ARL15: variants seen among roughly 807,000 people sequenced by gnomAD.
ARL15 encodes ARF like GTPase 15.
A neutral mutation model predicts 25.2 loss-of-function variants in ARL15; 19 were observed. The ratio of observed to expected loss-of-function variants is 0.75; its 90% CI spans 0.53 to 1.10. ARL15 has a LOEUF of 1.10. ARL15 is among the 50% of genes least tolerant of loss of function. The pLI is 0.00. For synonymous variants in ARL15, 94 were observed against 86.8 expected, an observed-to-expected ratio of 1.08 and a Z score of -0.46; for missense variants, 220 against 246.0, an observed-to-expected ratio of 0.89 and a Z score of 0.71.
At chr5:54,263,946 T>C (rs1278072928) in intron 1 of ARL15, among the ~76,000 whole-genome samples, 1 of 152,098 alleles carries the variant, frequency 6.6e-6, no homozygotes, top group East Asian at 1.9e-4. Context: ...ACCACCAAAT[T>C]GTTGTCATGT....
intron 1 of ARL15, among the ~76,000 whole-genome samples, chr5:54,224,401 A>C (rs1170853244): frequency 1.3e-5 from 2 of 152,216 alleles, no homozygotes; most frequent in Non-Finnish European, 2.9e-5. Context: ...TGAAGAATCC[A>C]AGTATACGAG....
chr5:53,964,690 A>C (rs915123344), intron 4 of ARL15, among the ~76,000 whole-genome samples: 1 of 152,174 alleles, frequency 6.6e-6, no homozygotes, highest in Non-Finnish European at 1.5e-5. Flanking sequence ...TTAGTTACTT[A>C]AACCAAAATT....
intron 1 of ARL15, among the ~76,000 whole-genome samples, chr5:54,178,016 A>T (rs1305991129): frequency 6.6e-6 from 1 of 152,234 alleles, no homozygotes; most frequent in East Asian, 1.9e-4. Flanking sequence ...GCACACAGAC[A>T]CAAAGACATA....
chr5:54,258,370 T>C (rs1335653853), intron 1 of ARL15, among the ~76,000 whole-genome samples: 1 of 152,094 alleles, frequency 6.6e-6, no homozygotes, highest in Non-Finnish European at 1.5e-5. Context: ...TGGATACTCA[T>C]GGAGGGACAT....
intron 1 of ARL15, among the ~76,000 whole-genome samples, chr5:54,200,501 G>A (rs1755691891): frequency 6.7e-6 from 1 of 149,080 alleles, no homozygotes; most frequent in Admixed American, 6.7e-5. Context: ...TGCCATGACT[G>A]GCAATAAGAA....
chr5:54,163,733 T>G (rs189731411), intron 2 of ARL15, among the ~76,000 whole-genome samples: 1 of 152,120 alleles, frequency 6.6e-6, no homozygotes, highest in East Asian at 1.9e-4. Context: ...TTACTATTTA[T>G]AGAATCTATA....
At chr5:53,971,016 T>C (rs181096019) in intron 4 of ARL15, among the ~76,000 whole-genome samples, 1 of 152,258 alleles carries the variant, frequency 6.6e-6, no homozygotes, top group Admixed American at 6.5e-5. Context: ...AAAAGTTTGA[T>C]AGCATTAAGA....
At chr5:54,091,421 G>C (rs1752124878) in intron 4 of ARL15, among the ~76,000 whole-genome samples, 1 of 152,188 alleles carries the variant, frequency 6.6e-6, no homozygotes. Flanking sequence ...GGTCGGTAAA[G>C]AAATTTTAGC....
chr5:54,144,071 T>TG (rs1430548861), intron 3 of ARL15, among the ~76,000 whole-genome samples: 1 of 152,068 alleles, frequency 6.6e-6, no homozygotes, highest in Non-Finnish European at 1.5e-5. Context: ...TATGTGTGCA[T>TG]GCATGTGTGT....
At chr5:54,187,648 T>C (rs1269956729) in intron 1 of ARL15, among the ~76,000 whole-genome samples, 1 of 152,214 alleles carries the variant, frequency 6.6e-6, no homozygotes, top group Non-Finnish European at 1.5e-5. Flanking sequence ...AGTGTCCCAC[T>C]TGTTATTTAA....
chr5:54,238,158 A>C (rs1005453366), intron 1 of ARL15, among the ~76,000 whole-genome samples: 1 of 152,188 alleles, frequency 6.6e-6, no homozygotes, highest in Non-Finnish European at 1.5e-5. Context: ...AGTTTAACAA[A>C]GTTAAAAAAC....
chr5:54,126,207 G>A (rs532393615), intron 3 of ARL15, among the ~76,000 whole-genome samples: 48 of 152,126 alleles, frequency 3.2e-4, no homozygotes, highest in Admixed American at 7.9e-4. Context: ...CTAATATCAC[G>A]AAAACACTCA....
At chr5:54,179,342 G>A (rs1754979511) in intron 1 of ARL15, among the ~76,000 whole-genome samples, 1 of 152,152 alleles carries the variant, frequency 6.6e-6, no homozygotes, top group Admixed American at 6.5e-5. Context: ...GAAGTGGGGT[G>A]TTCTGTTCTT....
intron 4 of ARL15, among the ~76,000 whole-genome samples, chr5:54,048,829 G>A (rs1383444265): frequency 6.6e-6 from 1 of 151,940 alleles, no homozygotes; most frequent in Non-Finnish European, 1.5e-5. Context: ...GACATTTGGG[G>A]ATTACTGGCC....
At chr5:53,961,661 A>G (rs1747378355) in intron 4 of ARL15, among the ~76,000 whole-genome samples, 1 of 152,152 alleles carries the variant, frequency 6.6e-6, no homozygotes, top group Non-Finnish European at 1.5e-5. Context: ...AGGGGGAGAA[A>G]TACACACATA....
intron 3 of ARL15, 136 bp downstream of exon 3, chr5:54,154,444 T>C: frequency 1.6e-6 from 1 of 607,276 alleles, no homozygotes. Flanking sequence ...GAAATATTTC[T>C]AGGAAATATA....
chr5:54,251,445 A>G (rs1757234152), intron 1 of ARL15, among the ~76,000 whole-genome samples: 1 of 152,212 alleles, frequency 6.6e-6, no homozygotes. Context: ...CAACAGCAAC[A>G]GTTTGTAATA....
intron 1 of ARL15, among the ~76,000 whole-genome samples, chr5:54,187,112 G>A (rs1200257961): frequency 1.3e-5 from 2 of 152,150 alleles, no homozygotes; most frequent in East Asian, 1.9e-4. Flanking sequence ...GCAGCCCAAG[G>A]TAACACTATT....
chr5:54,148,998 C>T (rs1330515560), intron 3 of ARL15, among the ~76,000 whole-genome samples: 1 of 152,138 alleles, frequency 6.6e-6, no homozygotes, highest in Admixed American at 6.5e-5. Flanking sequence ...TTCTAAAATG[C>T]AACATTATCA....
Sources: allele counts gnomAD v4.1 joint callset (sites outside exome capture counted in the v4.1 genomes callset), GRCh38; gene constraint gnomAD v4.1.1; transcripts MANE v1.5; gene names NCBI Gene and HGNC (gene_info 2026-07-23, HGNC 2026-07-21).